KLHL29: variants seen among roughly 807,000 people sequenced by gnomAD.
The protein encoded by KLHL29 is kelch-like protein 29.
Under a neutral mutation model 80.4 loss-of-function variants are expected in KLHL29, and 21 were observed. The ratio of observed to expected loss-of-function variants is 0.26; its 90% CI spans 0.19 to 0.38. KLHL29 has a LOEUF of 0.38. Ranked by LOEUF, KLHL29 falls within the 10% of genes least tolerant of loss-of-function variation. The pLI is 1.00. For missense variants in KLHL29, 867 were observed against 1,223.9 expected, an observed-to-expected ratio of 0.71 and a Z score of 4.35; for synonymous variants, 511 against 526.8, an observed-to-expected ratio of 0.97 and a Z score of 0.41.
chr2:23,421,437 G>A (rs1352083166), intron 1 of KLHL29, among the ~76,000 whole-genome samples: 3 of 152,094 alleles, frequency 2.0e-5, no homozygotes, highest in African/African-American at 7.2e-5. Flanking sequence ...TTTTGGGGTG[G>A]CTGCTCCTGG....
At chr2:23,588,165 G>T (rs1450210491) in intron 3 of KLHL29, among the ~76,000 whole-genome samples, 1 of 152,140 alleles carries the variant, frequency 6.6e-6, no homozygotes, top group Non-Finnish European at 1.5e-5. Flanking sequence ...CCCTGGGGTG[G>T]TGCCAGTGCC....
chr2:23,571,738 G>A (rs1469711409), intron 3 of KLHL29, among the ~76,000 whole-genome samples: 6 of 152,202 alleles, frequency 3.9e-5, no homozygotes, highest in African/African-American at 1.4e-4. Context: ...CAAGCCTGAG[G>A]ATGAAGCCAG....
intron 1 of KLHL29, among the ~76,000 whole-genome samples, chr2:23,425,839 C>CAGGACAAT (rs918560255): frequency 2.0e-5 from 3 of 152,188 alleles, no homozygotes; most frequent in Non-Finnish European, 4.4e-5. Flanking sequence ...GGAAGGACCA[C>CAGGACAAT]AGGACAATAG....
chr2:23,467,157 T>C (rs369121021), intron 1 of KLHL29, among the ~76,000 whole-genome samples: 1 of 152,222 alleles, frequency 6.6e-6, no homozygotes, highest in East Asian at 1.9e-4. Flanking sequence ...GGCTCCATGA[T>C]GGGTACCTCC....
intron 2 of KLHL29, among the ~76,000 whole-genome samples, chr2:23,523,703 G>A (rs1165223282): frequency 6.6e-6 from 1 of 152,210 alleles, no homozygotes; most frequent in Non-Finnish European, 1.5e-5. Context: ...ACTGTGTGCA[G>A]GCCACAGTCG....
Position 23,395,756 on chromosome 2 carries a change from GAA to G in KLHL29, c.-154+9989_-154+9990del, listed in dbSNP as rs200288530. ...TGAGACTCCGTCTCAAAAAAGGAAA[GAA>G]AAAAAAAAAAAAGAAACTCCGATTG... On this transcript the variant is annotated intron_variant, in intron 1 of 13. Coordinates refer to ENST00000486442, the MANE Select transcript of KLHL29 (RefSeq NM_052920.2). 4.8e-4 allele frequency among the ~76,000 whole-genome samples: 63 copies of G among 130,098 alleles called. 1 individual carries two copies. In the East Asian group the frequency reaches 0.012, roughly 26 times the overall value. The allele number at this position is 130,098 out of a possible 152,430, so 85.3% of individuals were successfully genotyped here.
At chr2:23,643,198 T>A (rs1384184332) in intron 5 of KLHL29, 2 of 458,320 alleles carry the variant, frequency 4.4e-6, no homozygotes, top group Non-Finnish European at 8.2e-6. Flanking sequence ...AGGGTGAGAG[T>A]CATCCACTCC....
In KLHL29 at chr2:23,647,779, C is replaced by T. The variant is rs548871340; in HGVS notation, c.940+4929C>T. On this transcript the variant is annotated intron_variant, in intron 5 of 13. Transcript: ENST00000486442. The surrounding 1 kb of genome is among the most constrained non-coding windows in gnomAD (Gnocchi z 4.9). Reference sequence around the variant, plus strand: ...TTGCTGTTCTGCTTGCAGGCTGCCCCGTAACCACCCCAGGCCTTGGCTCTC... The same window carrying T: ...TTGCTGTTCTGCTTGCAGGCTGCCCTGTAACCACCCCAGGCCTTGGCTCTC... Among the ~76,000 whole-genome samples the T allele has an allele frequency of 5.7e-4, 86 of 152,200 alleles. No homozygotes were observed. The highest frequency in any genetic ancestry group is 6.9e-4 in the Non-Finnish European group (47 of 68,004).
chr2:23,664,788 C>A (rs1363767463), intron 5 of KLHL29, among the ~76,000 whole-genome samples: 1 of 151,844 alleles, frequency 6.6e-6, no homozygotes, highest in Admixed American at 6.5e-5. Context: ...ACCCCAGACT[C>A]ATTGGCAGGG....
At position 23,703,222 on chromosome 2, in the gene KLHL29, C is replaced by T. The variant is rs1217231201; in HGVS notation, c.2142C>T (p.Ala714=). The T allele has an allele frequency of 6.8e-7, 1 of 1,477,566 alleles. No individual in the cohort carries two copies. The highest frequency in any genetic ancestry group is 2.7e-5 in the East Asian group (1 of 37,678). The allele number at this position is 1,477,566 out of a possible 1,614,324, so 91.5% of individuals were successfully genotyped here. A position where few individuals can be genotyped will look rare whatever the true frequency, so the allele number is the denominator to read the frequency against. ...DTITNQWEAV[A]PLPKAVHSAA... ...TCACCAACCAATGGGAGGCGGTGGC[C>T]CCTCTGCCCAAGGCAGTACACTCTG... The change falls in exon 12 of 14, where the codon GCC becomes GCT. Residue 714 remains alanine, a synonymous_variant. Transcript: ENST00000486442.
At chr2:23,699,339 T>C (rs1006058054) in intron 11 of KLHL29, among the ~76,000 whole-genome samples, 1 of 152,160 alleles carries the variant, frequency 6.6e-6, no homozygotes, top group Admixed American at 6.5e-5. Context: ...AGGCCTCGCA[T>C]TGCGTCCAGG....
intron 8 of KLHL29, among the ~76,000 whole-genome samples, chr2:23,694,937 A>C (rs1197039885): frequency 2.0e-5 from 3 of 152,176 alleles, no homozygotes; most frequent in African/African-American, 7.2e-5. Flanking sequence ...AAACTGGGTC[A>C]CAGTGGTCTC....
intron 2 of KLHL29, among the ~76,000 whole-genome samples, chr2:23,561,815 G>A (rs549900175): frequency 1.3e-5 from 2 of 152,288 alleles, no homozygotes; most frequent in South Asian, 2.1e-4. Flanking sequence ...TCACGGTGGG[G>A]TGGGAGGGGA....
chr2:23,697,035 A>C (rs1236258391), intron 11 of KLHL29: 1 of 155,702 alleles, frequency 6.4e-6, no homozygotes, highest in Non-Finnish European at 1.4e-5. Flanking sequence ...ATCTGTTCGT[A>C]ATACAGAGAA....
At chr2:23,440,616 T>C (rs1023975210) in intron 1 of KLHL29, among the ~76,000 whole-genome samples, 3 of 151,428 alleles carry the variant, frequency 2.0e-5, no homozygotes, top group Admixed American at 6.6e-5. Context: ...TACAATGAAC[T>C]CAAACAAATT....
At chr2:23,424,423 CTAT>C (rs1365638487) in intron 1 of KLHL29, among the ~76,000 whole-genome samples, 1 of 152,156 alleles carries the variant, frequency 6.6e-6, no homozygotes, top group Non-Finnish European at 1.5e-5. Context: ...TAAATTGTTT[CTAT>C]TATTTGTCAT....
intron 2 of KLHL29, among the ~76,000 whole-genome samples, chr2:23,557,321 G>T (rs1667322884): frequency 6.6e-6 from 1 of 152,164 alleles, no homozygotes; most frequent in East Asian, 1.9e-4. Flanking sequence ...GTCTCACTCA[G>T]GGTAAACCGT....
chr2:23,670,058 T>C (rs2149175078), intron 5 of KLHL29: 1 of 152,216 alleles, frequency 6.6e-6, no homozygotes, highest in East Asian at 1.9e-4. Context: ...GTGTGCCCAG[T>C]TAGGCCTCTC....
intron 3 of KLHL29, among the ~76,000 whole-genome samples, chr2:23,588,618 A>G (rs1217208935): frequency 6.6e-6 from 1 of 152,232 alleles, no homozygotes; most frequent in Non-Finnish European, 1.5e-5. Flanking sequence ...AGATTCCCAG[A>G]CATTGCCTCT....
Sources: allele counts gnomAD v4.1 joint callset (sites outside exome capture counted in the v4.1 genomes callset), GRCh38; gene constraint gnomAD v4.1.1; non-coding constraint Gnocchi (gnomAD v3.1); transcripts MANE v1.5; gene names NCBI Gene and HGNC (gene_info 2026-07-23, HGNC 2026-07-21).